AGBL4: variants seen among roughly 807,000 people sequenced by gnomAD.
AGBL4 encodes the protein cytosolic carboxypeptidase 6.
Under a neutral mutation model 66.4 loss-of-function variants are expected in AGBL4, and 58 were observed. The ratio of observed to expected loss-of-function variants is 0.87; its 90% CI spans 0.71 to 1.09. AGBL4 has a LOEUF of 1.09. AGBL4 is among the 50% of genes least tolerant of loss of function. The probability of loss-of-function intolerance (pLI) is 0.00; values close to 1 mark genes in which losing one functional copy is unlikely to be tolerated. For missense variants in AGBL4, 579 were observed against 631.0 expected (o/e 0.92, Z 0.88); for synonymous variants, 234 against 222.9 (o/e 1.05, Z -0.44).
chr1:49,790,257 G>A (rs538814279), intron 2 of AGBL4, among the ~76,000 whole-genome samples: 37 of 151,892 alleles, frequency 2.4e-4, no homozygotes, highest in East Asian at 1.9e-3. Context: ...TCAACTACTC[G>A]GGAGGCTGAG....
chr1:48,613,509 A>G (rs963756038), intron 9 of AGBL4, among the ~76,000 whole-genome samples: 4 of 152,186 alleles, frequency 2.6e-5, no homozygotes, highest in African/African-American at 9.7e-5. Context: ...TGTTTGCCTA[A>G]GAATCTAAGA....
intron 3 of AGBL4, among the ~76,000 whole-genome samples, chr1:49,342,062 G>T (rs1645550368): frequency 6.6e-6 from 1 of 152,140 alleles, no homozygotes; most frequent in African/African-American, 2.4e-5. Flanking sequence ...ATCTGGGTCT[G>T]ATCAGCAATG....
intron 6 of AGBL4, among the ~76,000 whole-genome samples, chr1:48,839,585 A>C (rs572070647): frequency 6.6e-6 from 1 of 152,226 alleles, no homozygotes; most frequent in Admixed American, 6.5e-5. Context: ...GTTAGTGGAG[A>C]GGGGAGACAG....
At chr1:48,659,881 G>A (rs1259122638) in intron 7 of AGBL4, among the ~76,000 whole-genome samples, 5 of 152,238 alleles carry the variant, frequency 3.3e-5, no homozygotes, top group African/African-American at 1.2e-4. Context: ...ATGCTCGATG[G>A]ATATGAACTG....
chr1:48,636,411 C>A (rs977792295), intron 8 of AGBL4, among the ~76,000 whole-genome samples: 2 of 152,176 alleles, frequency 1.3e-5, no homozygotes, highest in African/African-American at 4.8e-5. Context: ...TTATGCCATA[C>A]AAGCCCTGTA....
At chr1:49,240,263 T>C (rs1231984957) in intron 4 of AGBL4, among the ~76,000 whole-genome samples, 1 of 152,122 alleles carries the variant, frequency 6.6e-6, no homozygotes. Context: ...CATAAACCTA[T>C]ATCTTTTTCA....
At chr1:49,628,550 C>T (rs1461207941) in intron 3 of AGBL4, among the ~76,000 whole-genome samples, 2 of 152,102 alleles carry the variant, frequency 1.3e-5, no homozygotes, top group Non-Finnish European at 2.9e-5. Flanking sequence ...GGATGGGGTT[C>T]CTAAATCTTC....
At position 48,868,131 on chromosome 1, in the gene AGBL4, G is replaced by C. The variant is rs996614042; in HGVS notation, c.595-901C>G. Among the ~76,000 whole-genome samples the C allele has an allele frequency of 4.6e-5, 7 of 152,254 alleles. No homozygotes were observed. In the South Asian group the frequency reaches 1.5e-3, roughly 32 times the overall value. On this transcript the variant is annotated intron_variant, in intron 5 of 13. Coordinates refer to ENST00000371839, the MANE Select transcript of AGBL4 (RefSeq NM_032785.4). ...TCCTACACTTGATTTTCCCTAAATA[G>C]TATTGGAAATCTCTGTTTCTGTTTT...
At chr1:48,995,152 T>C (rs1482014632) in intron 5 of AGBL4, among the ~76,000 whole-genome samples, 2 of 152,180 alleles carry the variant, frequency 1.3e-5, no homozygotes, top group African/African-American at 4.8e-5. Flanking sequence ...ACAGTCCTAC[T>C]CTCCCTCCAT....
At chr1:49,179,310 A>C (rs895513916) in intron 4 of AGBL4, among the ~76,000 whole-genome samples, 4 of 152,184 alleles carry the variant, frequency 2.6e-5, no homozygotes, top group African/African-American at 7.2e-5. Context: ...GAGCCAAAGG[A>C]TACAAAATCA....
chr1:49,437,379 C>T (rs1426285383), intron 3 of AGBL4, among the ~76,000 whole-genome samples: 2 of 152,128 alleles, frequency 1.3e-5, no homozygotes, highest in African/African-American at 4.8e-5. Context: ...GATGTGAACT[C>T]TGTCTTGTAT....
At chr1:49,087,036 GAA>G (rs113009966) in intron 4 of AGBL4, among the ~76,000 whole-genome samples, 1 of 139,140 alleles carries the variant, frequency 7.2e-6, no homozygotes, top group Admixed American at 7.2e-5. Flanking sequence ...GAAGGTAAAA[GAA>G]AAAAAAAAAG....
chr1:48,655,357 G>C (rs141088250), intron 7 of AGBL4, among the ~76,000 whole-genome samples: 1 of 152,104 alleles, frequency 6.6e-6, no homozygotes, highest in African/African-American at 2.4e-5. Context: ...AGAGGAGTAT[G>C]GGGAAGACTG....
chr1:49,342,190 C>T (rs529756160), intron 3 of AGBL4, among the ~76,000 whole-genome samples: 7 of 152,106 alleles, frequency 4.6e-5, no homozygotes, highest in Admixed American at 3.9e-4. Flanking sequence ...TCTCTCTGTG[C>T]GCAAGCTGGT....
intron 1 of AGBL4, among the ~76,000 whole-genome samples, chr1:49,877,096 G>T (rs369875356): frequency 1.3e-5 from 2 of 151,402 alleles, no homozygotes; most frequent in African/African-American, 4.9e-5. Context: ...CAATCATGTC[G>T]TCTGCAAACA....
At chr1:49,112,093 T>G (rs1470416673) in intron 4 of AGBL4, among the ~76,000 whole-genome samples, 4 of 152,170 alleles carry the variant, frequency 2.6e-5, no homozygotes, top group Non-Finnish European at 5.9e-5. Context: ...AGTTAAAATT[T>G]TAAAGACTCT....
At chr1:49,878,074 C>T (rs1279309770) in intron 1 of AGBL4, among the ~76,000 whole-genome samples, 19 of 150,808 alleles carry the variant, frequency 1.3e-4, no homozygotes, top group Non-Finnish European at 2.1e-4. Context: ...GTCTTGCTAG[C>T]GGTCTATCAA....
chr1:49,189,491 T>G (rs1647075462), intron 4 of AGBL4, among the ~76,000 whole-genome samples: 1 of 152,182 alleles, frequency 6.6e-6, no homozygotes, highest in Admixed American at 6.5e-5. Flanking sequence ...ATTCACCACC[T>G]TTAGCTCATT....
At chr1:48,531,752 CTTA>C (rs957891313), downstream of AGBL4, among the ~76,000 whole-genome samples, 12 of 115,714 alleles carry the variant, frequency 1.0e-4, no homozygotes, top group South Asian at 1.3e-3. Context: ...CCCACTCCCT[CTTA>C]TTATGTATGT....
Sources: gnomAD v4.1 joint callset for allele counts (sites outside exome capture counted in the v4.1 genomes callset) on GRCh38, gnomAD v4.1.1 for gene constraint, MANE v1.5 for transcripts, NCBI Gene and HGNC (gene_info 2026-07-23, HGNC 2026-07-21) for gene names.